The following GAGE10 variants were observed in gnomAD, a reference collection of about 807,000 sequenced individuals.
GAGE10 encodes G antigen 10.
GAGE10 carries 9 observed loss-of-function variants against 11.5 expected under a neutral mutation model. That is an observed-to-expected ratio of 0.78 (90% CI 0.47 to 1.37). The LOEUF (loss-of-function observed/expected upper bound fraction) is 1.37, where lower values mean the gene tolerates loss of function less well. Among genes scored for constraint, GAGE10 ranks in the 40% most tolerant of loss-of-function variants. GAGE10 has a pLI of 0.00. For synonymous variants in GAGE10, 23 were observed against 29.7 expected, an observed-to-expected ratio of 0.77 and a Z score of 0.73; for missense variants, 83 against 92.9, an observed-to-expected ratio of 0.89 and a Z score of 0.44.
intron 4 of GAGE10, among the ~76,000 whole-genome samples, chrX:49,317,891 T>G (rs1377694760): frequency 6.4e-5 from 5 of 77,923 alleles, no homozygotes; most frequent in Non-Finnish European, 7.4e-5. Context: ...CATAACACGT[T>G]TGTAACACCC....
intron 3 of GAGE10, among the ~76,000 whole-genome samples, chrX:49,309,228 T>A (rs782778796): frequency 1.8e-5 from 2 of 111,741 alleles, no homozygotes; most frequent in Non-Finnish European, 3.8e-5. Flanking sequence ...AGGAAAAGTG[T>A]TGAAACCAAC....
At chrX:49,312,567 C>A in intron 3 of GAGE10, among the ~76,000 whole-genome samples, 1 of 112,696 alleles carries the variant, frequency 8.9e-6, no homozygotes, top group Non-Finnish European at 1.9e-5. Context: ...AAAGGCAGAC[C>A]AAGAGGCTAG....
intron 3 of GAGE10, among the ~76,000 whole-genome samples, chrX:49,312,394 C>T (rs1557124815): frequency 8.9e-6 from 1 of 111,876 alleles, no homozygotes; most frequent in Non-Finnish European, 1.9e-5. Flanking sequence ...GCCCATGGGG[C>T]AATACACAAA....
chrX:49,311,957 T>C (rs1473728214), intron 3 of GAGE10, among the ~76,000 whole-genome samples: 1 of 112,676 alleles, frequency 8.9e-6, no homozygotes, highest in Non-Finnish European at 1.9e-5. Flanking sequence ...CATCGTTGGC[T>C]GTCCAACTCT....
chrX:49,309,114 A>G (rs2066367205), intron 3 of GAGE10, among the ~76,000 whole-genome samples: 1 of 111,938 alleles, frequency 8.9e-6, no homozygotes, highest in African/African-American at 3.3e-5. Flanking sequence ...AGGGGAAGGC[A>G]CGTTCCTGGC....
intron 1 of GAGE10, among the ~76,000 whole-genome samples, chrX:49,304,222 A>G (rs1557123774): frequency 9.0e-6 from 1 of 111,430 alleles, no homozygotes; most frequent in Non-Finnish European, 1.9e-5. Flanking sequence ...AGCTTTGTGG[A>G]GTGGGGAGCC....
intron 3 of GAGE10, among the ~76,000 whole-genome samples, chrX:49,305,797 G>A (rs2904021): frequency 0.018 from 2,029 of 111,427 alleles, 19 homozygotes; most frequent in South Asian, 0.026. Flanking sequence ...TTATCCAAGA[G>A]CCCTTGACTG....
intron 1 of GAGE10, 119 bp from the exon 2 acceptor site, chrX:49,304,733 G>C: frequency 1.0e-6 from 1 of 967,929 alleles, no homozygotes; most frequent in Non-Finnish European, 1.5e-6. Context: ...CTTAACTCTG[G>C]GACTTATTTT....
At chrX:49,316,637 GT>G (rs1382259035) in intron 3 of GAGE10, among the ~76,000 whole-genome samples, 1 of 112,012 alleles carries the variant, frequency 8.9e-6, no homozygotes, top group East Asian at 2.8e-4. Flanking sequence ...CTTTTCAGGT[GT>G]TTTTAGTTTC....
chrX:49,311,870 C>A (rs782407600), intron 3 of GAGE10, among the ~76,000 whole-genome samples: 1 of 112,231 alleles, frequency 8.9e-6, no homozygotes, highest in Non-Finnish European at 1.9e-5. Context: ...ATAGAAGATG[C>A]CAACAAGCTA....
intron 3 of GAGE10, among the ~76,000 whole-genome samples, chrX:49,311,566 C>G (rs781791503): frequency 2.2e-4 from 25 of 111,946 alleles, no homozygotes; most frequent in African/African-American, 7.8e-4. Context: ...CAGCAAGGCC[C>G]TTATATGAGG....
intron 3 of GAGE10, among the ~76,000 whole-genome samples, chrX:49,311,102 G>C (rs2066375229): frequency 9.0e-6 from 1 of 111,483 alleles, no homozygotes; most frequent in African/African-American, 3.3e-5. Flanking sequence ...TGCTTTTCAA[G>C]GAACCAGGTG....
intron 3 of GAGE10, among the ~76,000 whole-genome samples, chrX:49,310,125 C>A (rs1557124558): frequency 8.9e-6 from 1 of 112,049 alleles, no homozygotes; most frequent in East Asian, 2.8e-4. Flanking sequence ...TCCGTTTAAC[C>A]CCAAGGCTGC....
chrX:49,316,932 G>A (rs1557125309), intron 3 of GAGE10, among the ~76,000 whole-genome samples: 1 of 111,083 alleles, frequency 9.0e-6, no homozygotes, highest in African/African-American at 3.3e-5. Flanking sequence ...GGAGGCAGCA[G>A]AGTTGTCTGA....
At chrX:49,306,465 A>G (rs2066357225) in intron 3 of GAGE10, among the ~76,000 whole-genome samples, 1 of 112,197 alleles carries the variant, frequency 8.9e-6, no homozygotes, top group African/African-American at 3.2e-5. Flanking sequence ...AACAAAATGA[A>G]GTTTCTATTT....
intron 3 of GAGE10, among the ~76,000 whole-genome samples, chrX:49,306,589 T>C (rs782207192): frequency 6.2e-4 from 69 of 112,141 alleles, no homozygotes; most frequent in Non-Finnish European, 1.1e-3. Context: ...ATCCTATCCA[T>C]GTGGTAGACT....
At chrX:49,317,334 C>A in intron 4 of GAGE10, 46 bp downstream of exon 4, 1 of 1,167,619 alleles carries the variant, frequency 8.6e-7, no homozygotes, top group Non-Finnish European at 1.2e-6. Flanking sequence ...TCTGTTTCCA[C>A]AGTATCGTAT....
intron 3 of GAGE10, among the ~76,000 whole-genome samples, chrX:49,307,516 T>C (rs2066361807): frequency 2.7e-5 from 3 of 109,568 alleles, no homozygotes; most frequent in Admixed American, 9.7e-5. Flanking sequence ...TCTCTCTCTG[T>C]TGCCCAGGTT....
intron 3 of GAGE10, among the ~76,000 whole-genome samples, chrX:49,315,076 T>C (rs781929635): frequency 7.2e-5 from 8 of 111,603 alleles, no homozygotes; most frequent in Middle Eastern, 4.6e-3. Context: ...CCAAACCCTT[T>C]CTCTCGGTTC....
Sources: gnomAD v4.1 joint callset for allele counts (sites outside exome capture counted in the v4.1 genomes callset) on GRCh38, gnomAD v4.1.1 for gene constraint, MANE v1.5 for transcripts, NCBI Gene and HGNC (gene_info 2026-07-23, HGNC 2026-07-21) for gene names.